Variants in TRIO observed in about 807,000 individuals in gnomAD.
TRIO encodes trio Rho guanine nucleotide exchange factor.
A neutral mutation model predicts 351.9 loss-of-function variants in TRIO; 58 were observed. That is an observed-to-expected ratio of 0.16 (90% CI 0.13 to 0.21). The LOEUF (loss-of-function observed/expected upper bound fraction) is 0.21. Ranked by LOEUF, TRIO falls within the 10% of genes least tolerant of loss-of-function variation. The probability of loss-of-function intolerance (pLI) is 1.00; values close to 1 mark genes in which losing one functional copy is unlikely to be tolerated. For missense variants in TRIO, 3,201 were observed against 4,027.8 expected, an observed-to-expected ratio of 0.79 and a Z score of 5.56; for synonymous variants, 1,758 against 1,595.7, an observed-to-expected ratio of 1.10 and a Z score of -2.42.
chr5:14,461,422 T>C (rs1232673912), intron 35 of TRIO, 111 bp downstream of exon 35: 1 of 1,356,410 alleles, frequency 7.4e-7, no homozygotes, highest in African/African-American at 1.5e-5. Context: ...TTTTCCGCAC[T>C]TACTCAGAAA....
chr5:14,231,976 C>T (rs952072505), intron 1 of TRIO, among the ~76,000 whole-genome samples: 1 of 151,974 alleles, frequency 6.6e-6, no homozygotes, highest in Admixed American at 6.6e-5. Context: ...GTGTTAAAGT[C>T]TACTGGAGAA....
chr5:14,484,587 A>T (rs760519546), intron 46 of TRIO, among the ~76,000 whole-genome samples: 1 of 152,214 alleles, frequency 6.6e-6, no homozygotes, highest in African/African-American at 2.4e-5. Flanking sequence ...GTGGGGATCA[A>T]TGTGCTTTAA....
At chr5:14,278,181 G>C (rs1471938913) in intron 2 of TRIO, among the ~76,000 whole-genome samples, 1 of 152,204 alleles carries the variant, frequency 6.6e-6, no homozygotes, top group African/African-American at 2.4e-5. Flanking sequence ...CTTTGTAGTT[G>C]AAAGTTGGAA....
rs201646282 is a variant in TRIO at position 14,406,686 on chromosome 5, G to A, written c.4959+14G>A. 191 of 1,612,714 alleles carry A rather than the reference G, an allele frequency of 1.2e-4. No homozygotes were observed. Among genetic ancestry groups the A allele is most frequent in the Middle Eastern group, 6.6e-4 (4 of 6,024 alleles). On this transcript the variant is annotated intron_variant, in intron 33 of 56. Transcript: ENST00000344204. ...GACAGCGATAAGGTGAGTCACTGCC[G>A]GCACTTTGTGTGCGGAGGGGAATGT...
intron 34 of TRIO, among the ~76,000 whole-genome samples, chr5:14,457,793 G>A (rs756688131): frequency 3.3e-5 from 5 of 152,182 alleles, no homozygotes; most frequent in Admixed American, 1.3e-4. Context: ...CCGAGAGCAC[G>A]CCTGCTTCTC....
At chr5:14,458,380 C>G (rs1297439388) in intron 34 of TRIO, among the ~76,000 whole-genome samples, 1 of 152,204 alleles carries the variant, frequency 6.6e-6, no homozygotes, top group Non-Finnish European at 1.5e-5. Context: ...TATCCATTCT[C>G]CTGACCCAGT....
At chr5:14,182,772 G>C (rs926084028) in intron 1 of TRIO, among the ~76,000 whole-genome samples, 4 of 151,986 alleles carry the variant, frequency 2.6e-5, no homozygotes, top group African/African-American at 9.7e-5. Flanking sequence ...GTGCTCCCTA[G>C]GTATGAATTT....
At chr5:14,472,187 C>A (rs892831383) in intron 38 of TRIO, among the ~76,000 whole-genome samples, 2 of 152,224 alleles carry the variant, frequency 1.3e-5, no homozygotes, top group Admixed American at 6.5e-5. Context: ...TGATTAGACA[C>A]AAGGTTTAAA....
chr5:14,256,158 T>C (rs1795010115), intron 1 of TRIO, among the ~76,000 whole-genome samples: 1 of 152,096 alleles, frequency 6.6e-6, no homozygotes, highest in Middle Eastern at 3.2e-3. Flanking sequence ...AGCTTCCACT[T>C]GTGGCTGAAG....
rs1376853061 is a variant in TRIO at position 14,394,051 on chromosome 5, G to A, written c.4232G>A (p.Arg1411Gln). Residue 1411 changes from arginine (R) to glutamine (Q), a missense_variant, in exon 28 of 57, where the codon CGA (arginine) becomes CAA (glutamine). Transcript: ENST00000344204. ...AGSYFDEIQQ[R>Q]HGLANSISSY... ...GTTTTAATACAGGAGATACAGCAGCGACATGGATTAGCCAATTCCATTTCT... is the reference window on the plus strand; with the variant it reads ...GTTTTAATACAGGAGATACAGCAGCAACATGGATTAGCCAATTCCATTTCT... 3 of 1,612,616 alleles carry A rather than the reference G, an allele frequency of 1.9e-6. No individual in the cohort carries two copies. The highest frequency in any genetic ancestry group is 2.2e-5 in the East Asian group (1 of 44,816).
chr5:14,411,994 T>C (rs1307143861), intron 33 of TRIO, among the ~76,000 whole-genome samples: 1 of 149,848 alleles, frequency 6.7e-6, no homozygotes, highest in Non-Finnish European at 1.5e-5. Context: ...TTTCTTTCTT[T>C]TTTTTTTTTT....
chr5:14,498,726 C>T lies in TRIO; in HGVS notation c.8332+86C>T, dbSNP rs73749286. 7.7e-4 allele frequency: 1,204 copies of T among 1,559,830 alleles called. 16 individuals carry two copies. In the African/African-American group the frequency reaches 0.015, roughly 19 times the overall value. ...CTTAAGTCCTGAGTCTGCCCTTACA[C>T]TCCAAGTGGCCTGAAAGATAGAACA... On this transcript the variant is annotated intron_variant, in intron 53 of 56. Coordinates refer to ENST00000344204, the MANE Select transcript of TRIO (RefSeq NM_007118.4).
chr5:14,235,043 A>C (rs1313345776), intron 1 of TRIO, among the ~76,000 whole-genome samples: 1 of 152,212 alleles, frequency 6.6e-6, no homozygotes, highest in Admixed American at 6.5e-5. Flanking sequence ...AAATATTAAC[A>C]GAAGCTTTAA....
At chr5:14,426,790 TG>T in intron 34 of TRIO, among the ~76,000 whole-genome samples, 1 of 152,072 alleles carries the variant, frequency 6.6e-6, no homozygotes, top group Admixed American at 6.5e-5. Flanking sequence ...AACTGCTCAG[TG>T]GGAGACTCTC....
chr5:14,463,340 C>G (rs1230697122), intron 36 of TRIO, among the ~76,000 whole-genome samples: 2 of 152,164 alleles, frequency 1.3e-5, no homozygotes, highest in Non-Finnish European at 2.9e-5. Context: ...ATGCAGGTTT[C>G]TGGTTTGAGA....
intron 2 of TRIO, among the ~76,000 whole-genome samples, chr5:14,278,619 T>A (rs1735739996): frequency 6.6e-6 from 1 of 152,234 alleles, no homozygotes. Flanking sequence ...GATTGACTCT[T>A]TTGAAAAGCA....
chr5:14,377,856 C>T (rs1164917441), intron 19 of TRIO, among the ~76,000 whole-genome samples, 156 bp from the exon 20 acceptor site: 2 of 152,168 alleles, frequency 1.3e-5, no homozygotes, highest in South Asian at 2.1e-4. Flanking sequence ...GTCTGGTAGA[C>T]ATGCTCACTG....
rs113065039 is a variant in TRIO at position 14,332,552 on chromosome 5, G to T, written c.1854+1652G>T. ...GCAGTAAGTTTGGTTCCTAATATAA[G>T]ATGTATTGTTTTTAATCTTTTAAAA... On this transcript the variant is annotated intron_variant, in intron 10 of 56. Coordinates refer to ENST00000344204, the MANE Select transcript of TRIO (RefSeq NM_007118.4). Among the ~76,000 whole-genome samples the T allele has an allele frequency of 2.0e-5, 3 of 152,286 alleles. No individual in the cohort carries two copies. The East Asian group carries it at 5.8e-4, about 29-fold the overall frequency.
intron 13 of TRIO, among the ~76,000 whole-genome samples, chr5:14,360,315 T>C (rs779622251): frequency 3.9e-5 from 6 of 152,196 alleles, no homozygotes; most frequent in Non-Finnish European, 7.3e-5. Context: ...GCTCTCTTTT[T>C]TGATACCATG....
Sources: gnomAD v4.1 joint callset for allele counts (sites outside exome capture counted in the v4.1 genomes callset) on GRCh38, gnomAD v4.1.1 for gene constraint, MANE v1.5 for transcripts, NCBI Gene and HGNC (gene_info 2026-07-23, HGNC 2026-07-21) for gene names.